CRIM1: variants seen among roughly 807,000 people sequenced by gnomAD.
CRIM1 encodes cysteine rich transmembrane BMP regulator 1, also known as cysteine-rich motor neuron 1 protein.
A neutral mutation model predicts 116.4 loss-of-function variants in CRIM1; 32 were observed. The observed-to-expected ratio is 0.27, with a 90% CI of 0.21 to 0.37. The LOEUF (loss-of-function observed/expected upper bound fraction) is 0.37. Among genes scored for constraint, CRIM1 ranks in the 10% least tolerant of loss-of-function variants. CRIM1 has a pLI of 1.00. For missense variants in CRIM1, 1,331 were observed against 1,354.8 expected (o/e 0.98, Z 0.28); for synonymous variants, 590 against 509.2 (o/e 1.16, Z -2.13).
At chr2:36,398,927 G>A (rs1233098150) in intron 2 of CRIM1, among the ~76,000 whole-genome samples, 4 of 152,194 alleles carry the variant, frequency 2.6e-5, no homozygotes, top group Non-Finnish European at 5.9e-5. Context: ...GGACCTCAAT[G>A]CCAAGAAAGT....
intron 2 of CRIM1, among the ~76,000 whole-genome samples, chr2:36,405,936 T>C (rs1672744556): frequency 1.3e-5 from 2 of 152,174 alleles, no homozygotes; most frequent in African/African-American, 4.8e-5. Flanking sequence ...GAAAAATCAT[T>C]TGCTTTTAAT....
intron 1 of CRIM1, among the ~76,000 whole-genome samples, chr2:36,363,099 C>T (rs1301649340): frequency 6.6e-6 from 1 of 151,032 alleles, no homozygotes; most frequent in African/African-American, 2.4e-5. Context: ...ACTAGGGAGG[C>T]TGAGGTGGGA....
chr2:36,519,760 G>A (rs973296435), intron 12 of CRIM1, among the ~76,000 whole-genome samples: 6 of 152,144 alleles, frequency 3.9e-5, no homozygotes, highest in Non-Finnish European at 7.3e-5. Flanking sequence ...GTCTGGTGAG[G>A]AAATGAGGAA....
At chr2:36,442,776 T>C in intron 4 of CRIM1, 41 bp downstream of exon 4, 1 of 1,612,716 alleles carries the variant, frequency 6.2e-7, no homozygotes, top group Non-Finnish European at 8.5e-7. Flanking sequence ...TCCTCATTTG[T>C]TAGCATCATC....
At chr2:36,408,162 A>G (rs1672953024) in intron 2 of CRIM1, among the ~76,000 whole-genome samples, 1 of 152,220 alleles carries the variant, frequency 6.6e-6, no homozygotes, top group African/African-American at 2.4e-5. Context: ...TATTGCAAGG[A>G]CAAAAACAAC....
chr2:36,536,675 C>G (rs1264660054), intron 13 of CRIM1, among the ~76,000 whole-genome samples: 1 of 152,038 alleles, frequency 6.6e-6, no homozygotes, highest in Admixed American at 6.5e-5. Flanking sequence ...CAAGGAGAAG[C>G]TTGGAAGAGG....
chr2:36,518,605 T>TA (rs756223846), intron 12 of CRIM1, among the ~76,000 whole-genome samples: 2 of 152,222 alleles, frequency 1.3e-5, no homozygotes, highest in South Asian at 2.1e-4. Flanking sequence ...GCCCAAGTAT[T>TA]ACCATTTTAG....
chr2:36,534,523 A>AAGGGAGGGAGAGGAAGGAAGGGAGAG (rs1193856453), intron 13 of CRIM1, among the ~76,000 whole-genome samples: 5 of 122,522 alleles, frequency 4.1e-5, no homozygotes, highest in Non-Finnish European at 8.4e-5. Context: ...AGGGATAGGG[A>AAGGGAGGGAGAGGAAGGAAGGGAGAG]AGGGAGGGAG....
chr2:36,511,650 C>G (rs907568362), intron 9 of CRIM1, among the ~76,000 whole-genome samples: 1 of 152,150 alleles, frequency 6.6e-6, no homozygotes, highest in African/African-American at 2.4e-5. Context: ...TCAGCACATT[C>G]AGGGAGGACC....
At chr2:36,522,412 T>C in intron 13 of CRIM1, 99 bp downstream of exon 13, 1 of 933,634 alleles carries the variant, frequency 1.1e-6, no homozygotes, top group Non-Finnish European at 1.7e-6. Context: ...TGAAACTGGT[T>C]TTTTCCCTGC....
At chr2:36,423,933 T>C (rs1674260572) in intron 2 of CRIM1, among the ~76,000 whole-genome samples, 1 of 152,116 alleles carries the variant, frequency 6.6e-6, no homozygotes, top group Admixed American at 6.5e-5. Context: ...CCCACAGACT[T>C]GTAGTAAGTG....
intron 10 of CRIM1, among the ~76,000 whole-genome samples, chr2:36,512,659 G>A (rs1005742483): frequency 6.6e-6 from 1 of 152,128 alleles, no homozygotes; most frequent in Non-Finnish European, 1.5e-5. Context: ...CTTCTATCAG[G>A]AACTTTAGCC....
chr2:36,422,593 A>C (rs1674153260), intron 2 of CRIM1, among the ~76,000 whole-genome samples: 1 of 152,206 alleles, frequency 6.6e-6, no homozygotes, highest in South Asian at 2.1e-4. Flanking sequence ...CAGAAGGGGC[A>C]AGCTCTGCTT....
chr2:36,474,259 C>T (rs1029324037), intron 5 of CRIM1, among the ~76,000 whole-genome samples: 1 of 152,166 alleles, frequency 6.6e-6, no homozygotes, highest in Non-Finnish European at 1.5e-5. Flanking sequence ...CAAATACTTT[C>T]TCCCAATCTG....
intron 2 of CRIM1, among the ~76,000 whole-genome samples, chr2:36,428,725 T>G (rs185081633): frequency 6.2e-4 from 95 of 152,354 alleles, no homozygotes; most frequent in African/African-American, 2.3e-3. Flanking sequence ...CTTGTTTGAG[T>G]GTTTCTCAAG....
rs536597410 is a variant in CRIM1, at chr2:36,370,303, G to A, written c.331+13680G>A. Among the ~76,000 whole-genome samples, 6 of 151,970 alleles carry A rather than the reference G, an allele frequency of 3.9e-5. No homozygotes were observed. The South Asian group carries it at 1.2e-3, about 32-fold the overall frequency. On this transcript the variant is annotated intron_variant, in intron 1 of 16. Coordinates refer to ENST00000280527, the MANE Select transcript of CRIM1 (RefSeq NM_016441.3). ...GAAAGAAGCAGCAGAAATTTACAGT[G>A]AGAAATGGAAGACCTCTGTAGGTAA...
chr2:36,473,910 CAAATT>C (rs556705118), intron 5 of CRIM1, among the ~76,000 whole-genome samples: 69 of 152,018 alleles, frequency 4.5e-4, no homozygotes, highest in Non-Finnish European at 8.7e-4. Context: ...TATGATAACT[CAAATT>C]AAGGAACTCA....
chr2:36,485,076 TCAGATACC>T (rs1480348732), intron 7 of CRIM1, among the ~76,000 whole-genome samples: 1 of 152,228 alleles, frequency 6.6e-6, no homozygotes, highest in African/African-American at 2.4e-5. Flanking sequence ...AGACATATTA[TCAGATACC>T]CAGCTGAGTT....
chr2:36,508,418 A>G (rs1437235402), intron 8 of CRIM1, among the ~76,000 whole-genome samples: 3 of 152,218 alleles, frequency 2.0e-5, no homozygotes, highest in African/African-American at 4.8e-5. Context: ...AGATTATAAT[A>G]TAAGTGTGTT....
Sources: allele counts gnomAD v4.1 joint callset (sites outside exome capture counted in the v4.1 genomes callset), GRCh38; gene constraint gnomAD v4.1.1; transcripts MANE v1.5; gene names NCBI Gene and HGNC (gene_info 2026-07-23, HGNC 2026-07-21).